The following GAS7 variants were observed in gnomAD, a reference collection of about 807,000 sequenced individuals.
GAS7 encodes growth arrest-specific protein 7.
Under a neutral mutation model 71.1 loss-of-function variants are expected in GAS7, and 28 were observed. That is an observed-to-expected ratio of 0.39 (90% CI 0.29 to 0.54). The LOEUF is 0.54. Ranked by LOEUF, GAS7 falls within the 20% of genes least tolerant of loss-of-function variation. The pLI, the probability that GAS7 is intolerant of heterozygous loss-of-function variation, is 0.62. For missense variants in GAS7, 436 were observed against 627.8 expected (o/e 0.69, Z 3.27); for synonymous variants, 258 against 245.8 (o/e 1.05, Z -0.46).
intron 1 of GAS7, among the ~76,000 whole-genome samples, chr17:10,196,734 G>A (rs1186978695): frequency 6.6e-6 from 1 of 152,206 alleles, no homozygotes; most frequent in Non-Finnish European, 1.5e-5. Flanking sequence ...TCCTGGAAAA[G>A]GGTGACCACC....
intron 1 of GAS7, among the ~76,000 whole-genome samples, chr17:10,192,466 G>A (rs192928419): frequency 4.6e-5 from 7 of 152,216 alleles, no homozygotes; most frequent in Non-Finnish European, 8.8e-5. Flanking sequence ...ATCAGTATCC[G>A]TGTTCACAGA....
At chr17:10,116,549 C>T (rs538900587) in intron 1 of GAS7, among the ~76,000 whole-genome samples, 9 of 152,078 alleles carry the variant, frequency 5.9e-5, no homozygotes, top group Non-Finnish European at 1.3e-4. Context: ...GCAGATAGCA[C>T]CAGCCGCATC....
chr17:10,021,063 C>G (rs955489207), intron 1 of GAS7, among the ~76,000 whole-genome samples: 4 of 152,166 alleles, frequency 2.6e-5, no homozygotes, highest in Non-Finnish European at 5.9e-5. Context: ...AAGTTGTTAG[C>G]TAAAGAACAT....
Position 10,076,029 on chromosome 17 carries a change from G to A in GAS7, c.184-56132C>T, listed in dbSNP as rs1421464519. On this transcript the variant is annotated intron_variant, in intron 1 of 13. Transcript: ENST00000432992. ...AGGCATGAGAATCACTTGAACCCAGGAGGCAGAGGTTGTGGTGAGCCAAGA... is the reference window on the plus strand; with the variant it reads ...AGGCATGAGAATCACTTGAACCCAGAAGGCAGAGGTTGTGGTGAGCCAAGA... Among the ~76,000 whole-genome samples the A allele has an allele frequency of 4.7e-5, 7 of 150,324 alleles. No homozygotes were observed. In the East Asian group the frequency reaches 1.4e-3, roughly 29 times the overall value.
chr17:9,995,666 CCA>C (rs1443231928), intron 2 of GAS7, among the ~76,000 whole-genome samples: 1 of 152,140 alleles, frequency 6.6e-6, no homozygotes, highest in African/African-American at 2.4e-5. Flanking sequence ...CCCTATCTAA[CCA>C]GGATCTGCAA....
At chr17:10,048,261 C>A (rs1265421836) in intron 1 of GAS7, among the ~76,000 whole-genome samples, 2 of 152,242 alleles carry the variant, frequency 1.3e-5, no homozygotes, top group Non-Finnish European at 2.9e-5. Flanking sequence ...GTGATCGCGC[C>A]ATTGCAACCT....
At position 10,064,699 on chromosome 17, in the gene GAS7, G is replaced by A. The variant is rs562647286; in HGVS notation, c.184-44802C>T. On this transcript the variant is annotated intron_variant, in intron 1 of 13. Coordinates refer to ENST00000432992, the MANE Select transcript of GAS7 (RefSeq NM_201433.2). Reference sequence around the variant, plus strand: ...AATGGAGCCAATGCAGAAGGAAGAGGGCTGATGAGGAAGACAGGGAATCAG... The same window carrying A: ...AATGGAGCCAATGCAGAAGGAAGAGAGCTGATGAGGAAGACAGGGAATCAG... Among the ~76,000 whole-genome samples the A allele has an allele frequency of 3.2e-4, 48 of 152,270 alleles. 1 individual carries two copies. In the South Asian group the frequency reaches 1.0e-2, roughly 32 times the overall value.
At chr17:10,193,524 C>T (rs117927916) in intron 1 of GAS7, among the ~76,000 whole-genome samples, 1,700 of 152,288 alleles carry the variant, frequency 0.011, 14 homozygotes, top group Middle Eastern at 0.031. Flanking sequence ...AGACCTGTGA[C>T]TACTTTCCCA....
intron 2 of GAS7, among the ~76,000 whole-genome samples, chr17:10,005,155 ATG>A (rs974885833): frequency 3.7e-4 from 13 of 35,386 alleles, no homozygotes; most frequent in African/African-American, 4.8e-4. Context: ...GCATGCATGC[ATG>A]TGTGTGCGCA....
intron 2 of GAS7, among the ~76,000 whole-genome samples, chr17:10,000,873 T>C (rs567720850): frequency 6.6e-6 from 1 of 152,298 alleles, no homozygotes; most frequent in East Asian, 1.9e-4. Flanking sequence ...CATTTGTATA[T>C]ACCAGGAGCA....
intron 7 of GAS7, 36 bp from the exon 8 acceptor site, chr17:9,940,236 C>T (rs756384147): frequency 1.3e-6 from 2 of 1,546,424 alleles, no homozygotes; most frequent in South Asian, 1.1e-5. Flanking sequence ...CATCAGCTCT[C>T]CAGTGCCAGA....
intron 9 of GAS7, among the ~76,000 whole-genome samples, chr17:9,928,877 A>G (rs1418729202): frequency 6.6e-6 from 1 of 152,184 alleles, no homozygotes; most frequent in African/African-American, 2.4e-5. Context: ...TCAGAGCTCA[A>G]TCCCCTGGGT....
At chr17:10,151,683 T>G (rs1167372730) in intron 1 of GAS7, among the ~76,000 whole-genome samples, 1 of 152,150 alleles carries the variant, frequency 6.6e-6, no homozygotes, top group East Asian at 1.9e-4. Context: ...TAGCTAGGGC[T>G]ACAGGTGTAC....
At chr17:9,943,414 A>G (rs2068679049) in intron 6 of GAS7, among the ~76,000 whole-genome samples, 178 bp from the exon 7 acceptor site, 1 of 151,936 alleles carries the variant, frequency 6.6e-6, no homozygotes, top group South Asian at 2.1e-4. Context: ...CCCCACTCCC[A>G]ACAGCGCTTT....
At chr17:10,128,744 C>T (rs903888671) in intron 1 of GAS7, among the ~76,000 whole-genome samples, 5 of 151,836 alleles carry the variant, frequency 3.3e-5, no homozygotes, top group South Asian at 2.1e-4. Flanking sequence ...CTCAGCCTCC[C>T]GAGTAGCTGG....
rs114308041 is a variant in GAS7 at position 9,987,996 on chromosome 17, G to A, written c.305-6112C>T. Reference sequence around the variant, plus strand: ...TCTTGGCTTGTGCCGGCTCTCTGCTGCCCCCTGTGGTTATCAGGTAAAATA... The same window carrying A: ...TCTTGGCTTGTGCCGGCTCTCTGCTACCCCCTGTGGTTATCAGGTAAAATA... On this transcript the variant is annotated intron_variant, in intron 2 of 13. Coordinates refer to ENST00000432992, the MANE Select transcript of GAS7 (RefSeq NM_201433.2). Among the ~76,000 whole-genome samples the A allele has an allele frequency of 8.9e-3, 1,353 of 152,298 alleles. 19 individuals carry two copies. Among genetic ancestry groups the A allele is most frequent in the African/African-American group, 0.031 (1,308 of 41,576 alleles).
chr17:10,137,633 G>A (rs536706689), intron 1 of GAS7, among the ~76,000 whole-genome samples: 1 of 151,800 alleles, frequency 6.6e-6, no homozygotes, highest in Non-Finnish European at 1.5e-5. Flanking sequence ...TCTGCCTCTT[G>A]GGTTCAAGCA....
At chr17:10,135,023 G>A (rs951043083) in intron 1 of GAS7, among the ~76,000 whole-genome samples, 7 of 152,008 alleles carry the variant, frequency 4.6e-5, no homozygotes, top group African/African-American at 1.7e-4. Flanking sequence ...AGTAGAGACG[G>A]GGTTTCACCA....
chr17:9,946,452 A>C (rs979020668), intron 6 of GAS7, among the ~76,000 whole-genome samples: 2 of 152,192 alleles, frequency 1.3e-5, no homozygotes, highest in Non-Finnish European at 2.9e-5. Flanking sequence ...AGGATTACCC[A>C]AGCTGGAGCT....
Sources: gnomAD v4.1 joint callset for allele counts (sites outside exome capture counted in the v4.1 genomes callset) on GRCh38, gnomAD v4.1.1 for gene constraint, MANE v1.5 for transcripts, NCBI Gene and HGNC (gene_info 2026-07-23, HGNC 2026-07-21) for gene names.